The following KALRN variants were observed in gnomAD, a reference collection of about 807,000 sequenced individuals.
KALRN encodes the protein kalirin RhoGEF kinase.
Under a neutral mutation model 353.7 loss-of-function variants are expected in KALRN, and 70 were observed. The observed-to-expected ratio is 0.20, with a 90% CI of 0.16 to 0.24. The LOEUF (loss-of-function observed/expected upper bound fraction) is 0.24. Ranked by LOEUF, KALRN falls within the 10% of genes least tolerant of loss-of-function variation. KALRN has a pLI of 1.00. For missense variants in KALRN, 2,791 were observed against 3,756.7 expected, an observed-to-expected ratio of 0.74 and a Z score of 6.72; for synonymous variants, 1,391 against 1,434.8, an observed-to-expected ratio of 0.97 and a Z score of 0.69.
At chr3:124,500,977 C>G (rs955349572) in intron 33 of KALRN, among the ~76,000 whole-genome samples, 58 of 2,186 alleles carry the variant, frequency 0.027, no homozygotes, top group African/African-American at 0.031. Flanking sequence ...TGATGGATAT[C>G]TGCTGAATCC....
chr3:124,080,193 T>C, intron 1 of KALRN: 1 of 313,596 alleles, frequency 3.2e-6, no homozygotes, highest in Non-Finnish European at 7.1e-6. Context: ...CAATGCTGAC[T>C]CCTCTTAGGT....
chr3:124,131,865 A>G (rs2065329698), intron 1 of KALRN, among the ~76,000 whole-genome samples: 1 of 152,196 alleles, frequency 6.6e-6, no homozygotes, highest in South Asian at 2.1e-4. Context: ...ATGTGACACA[A>G]GGCAATCTGT....
chr3:124,620,549 A>C (rs1281915807), intron 34 of KALRN, among the ~76,000 whole-genome samples: 1 of 152,184 alleles, frequency 6.6e-6, no homozygotes, highest in East Asian at 1.9e-4. Flanking sequence ...AATATCTAGA[A>C]TATTTACTCT....
chr3:124,718,009 A>G (rs1432908153), intron 59 of KALRN, among the ~76,000 whole-genome samples: 1 of 150,772 alleles, frequency 6.6e-6, no homozygotes, highest in Non-Finnish European at 1.5e-5. Context: ...ACAGGGTTTC[A>G]TCATGTTGGC....
At chr3:124,087,156 G>C (rs562116355) in intron 1 of KALRN, among the ~76,000 whole-genome samples, 7 of 152,124 alleles carry the variant, frequency 4.6e-5, no homozygotes, top group African/African-American at 1.7e-4. Context: ...AGTCTAAATG[G>C]TTGCAAATAA....
chr3:124,210,304 C>T (rs2076792320), intron 1 of KALRN, among the ~76,000 whole-genome samples: 2 of 152,130 alleles, frequency 1.3e-5, no homozygotes, highest in Admixed American at 6.5e-5. Flanking sequence ...TACATTTTGC[C>T]ATCTCTGAAA....
chr3:124,125,084 C>A (rs1036718439), intron 1 of KALRN, among the ~76,000 whole-genome samples: 5 of 152,112 alleles, frequency 3.3e-5, no homozygotes, highest in African/African-American at 1.2e-4. Flanking sequence ...TAGTTCAGAA[C>A]CTGGAGTATA....
rs548845735 is a variant in KALRN, at chr3:124,409,546, A to G, written c.2347-3924A>G. 6.6e-5 allele frequency among the ~76,000 whole-genome samples: 10 copies of G among 152,300 alleles called. No homozygotes were observed. In the South Asian group the frequency reaches 1.0e-3, roughly 16 times the overall value. ...GGAAGGACAAGGGCGTTTCAGGGCTATTAGGCTAGTGAAGAAGGCTGGAGA... is the reference window on the plus strand; with the variant it reads ...GGAAGGACAAGGGCGTTTCAGGGCTGTTAGGCTAGTGAAGAAGGCTGGAGA... On this transcript the variant is annotated intron_variant, in intron 13 of 59. Transcript: ENST00000682506.
intron 33 of KALRN, among the ~76,000 whole-genome samples, chr3:124,497,878 G>A (rs2064043357): frequency 6.6e-6 from 1 of 152,166 alleles, no homozygotes. Context: ...CAGCAGCTCT[G>A]ACTTTGACAC....
At chr3:124,569,272 G>T (rs1313075356) in intron 34 of KALRN, among the ~76,000 whole-genome samples, 1 of 152,154 alleles carries the variant, frequency 6.6e-6, no homozygotes, top group African/African-American at 2.4e-5. Flanking sequence ...GCCTCCTGAT[G>T]ATTTCTGCTG....
At chr3:124,647,970 C>T (rs2082969208) in intron 37 of KALRN, among the ~76,000 whole-genome samples, 1 of 152,232 alleles carries the variant, frequency 6.6e-6, no homozygotes. Flanking sequence ...ACATTTGTTG[C>T]TCTATCCCCA....
intron 25 of KALRN, among the ~76,000 whole-genome samples, chr3:124,471,839 C>T (rs148691846): frequency 7.3e-5 from 11 of 151,720 alleles, no homozygotes; most frequent in African/African-American, 2.2e-4. Context: ...TGGTGGCGGG[C>T]GCTTGCAGTC....
intron 6 of KALRN, among the ~76,000 whole-genome samples, chr3:124,316,229 G>A (rs2078794228): frequency 6.6e-6 from 1 of 152,108 alleles, no homozygotes; most frequent in Admixed American, 6.6e-5. Flanking sequence ...GCTGACATCA[G>A]CTCCTGCCTG....
intron 18 of KALRN, 84 bp downstream of exon 18, chr3:124,439,121 T>C (rs2093577776): frequency 7.4e-7 from 1 of 1,354,396 alleles, no homozygotes; most frequent in Non-Finnish European, 1.0e-6. Flanking sequence ...TCTCTTTTCT[T>C]TCTTTCTCTT....
At chr3:124,183,381 T>C (rs572870369) in intron 1 of KALRN, among the ~76,000 whole-genome samples, 6 of 152,198 alleles carry the variant, frequency 3.9e-5, no homozygotes, top group East Asian at 3.9e-4. Flanking sequence ...GCATCTCTCA[T>C]GGTGAGAGTG....
At chr3:124,533,415 G>A (rs1273370843) in intron 33 of KALRN, among the ~76,000 whole-genome samples, 1 of 152,082 alleles carries the variant, frequency 6.6e-6, no homozygotes, top group Non-Finnish European at 1.5e-5. Context: ...GCCGAGTTGA[G>A]CAGATTGCTT....
intron 8 of KALRN, 40 bp downstream of exon 8, chr3:124,330,032 C>T: frequency 6.2e-7 from 1 of 1,605,484 alleles, no homozygotes; most frequent in Non-Finnish European, 8.5e-7. Context: ...TTGGGCATGT[C>T]TGCATGTGGG....
intron 34 of KALRN, among the ~76,000 whole-genome samples, chr3:124,593,487 TACTA>T (rs1174560659): frequency 6.6e-6 from 1 of 152,218 alleles, no homozygotes; most frequent in African/African-American, 2.4e-5. Context: ...ATTTGAGGAC[TACTA>T]ACTTAGTGCT....
intron 1 of KALRN, among the ~76,000 whole-genome samples, chr3:124,190,322 A>G (rs1003082274): frequency 3.3e-5 from 5 of 152,112 alleles, no homozygotes; most frequent in Admixed American, 3.3e-4. Flanking sequence ...GTGGAGTTAT[A>G]TGTCTGAGCA....
Sources: allele counts gnomAD v4.1 joint callset (sites outside exome capture counted in the v4.1 genomes callset), GRCh38; gene constraint gnomAD v4.1.1; transcripts MANE v1.5; gene names NCBI Gene and HGNC (gene_info 2026-07-23, HGNC 2026-07-21).